Variants in SSU72 observed in about 807,000 individuals in gnomAD.
SSU72 encodes the protein RNA polymerase II subunit A C-terminal domain phosphatase SSU72.
In SSU72, 12 loss-of-function variants were observed where a neutral mutation model predicts 22.7. That is an observed-to-expected ratio of 0.53 (90% confidence interval 0.34 to 0.86). SSU72 has a LOEUF of 0.86. Ranked by LOEUF, SSU72 falls within the 40% of genes least tolerant of loss-of-function variation. The probability of loss-of-function intolerance (pLI) is 0.02; values close to 1 mark genes in which losing one functional copy is unlikely to be tolerated. For missense variants in SSU72, 151 were observed against 249.8 expected, an observed-to-expected ratio of 0.60 and a Z score of 2.67; for synonymous variants, 116 against 98.3, an observed-to-expected ratio of 1.18 and a Z score of -1.06.
rs1642787461 is a variant in SSU72 at position 1,574,614 on chromosome 1, C to T, written c.-57G>A. On this transcript the variant is annotated 5_prime_UTR_variant, in exon 1 of 5. Coordinates refer to ENST00000291386, the MANE Select transcript of SSU72 (RefSeq NM_014188.3). The stretch of plus-strand genomic sequence containing the variant: ...CTTGGGTTCCCACCCTACCGCGGCG[C>T]TTCCGCGCGAACAAAATGGCGGCCG... The T allele has an allele frequency of 2.0e-6, 3 of 1,505,362 alleles. No individual in the cohort carries two copies. Among genetic ancestry groups the T allele is most frequent in the Admixed American group, 4.3e-5 (2 of 46,062 alleles). 93.3% of individuals were successfully genotyped at this position (1,505,362 alleles called of 1,614,324 possible). A position where few individuals can be genotyped will look rare whatever the true frequency, so the allele number is the denominator to read the frequency against.
chr1:1,560,210 A>T (rs992932709), intron 2 of SSU72, among the ~76,000 whole-genome samples: 1 of 151,920 alleles, frequency 6.6e-6, no homozygotes. Flanking sequence ...TTTTAACAAG[A>T]GTCTTGTTCT....
chr1:1,560,611 T>C (rs1341062825), intron 2 of SSU72, among the ~76,000 whole-genome samples: 1 of 152,180 alleles, frequency 6.6e-6, no homozygotes, highest in Non-Finnish European at 1.5e-5. Context: ...CTCTAACTTA[T>C]TATGGCTCAA....
intron 2 of SSU72, among the ~76,000 whole-genome samples, chr1:1,560,509 GAGGCAC>G (rs1275017247): frequency 5.3e-5 from 8 of 152,220 alleles, no homozygotes; most frequent in African/African-American, 1.7e-4. Flanking sequence ...GGAGGTTTCA[GAGGCAC>G]AGGCAGCAAG....
intron 2 of SSU72, among the ~76,000 whole-genome samples, chr1:1,550,530 A>C (rs981252124): frequency 3.9e-5 from 6 of 152,192 alleles, no homozygotes; most frequent in Non-Finnish European, 7.4e-5. Context: ...CACTCAGAGA[A>C]TCAGTGCCTG....
chr1:1,570,438 G>A (rs1642714240), intron 1 of SSU72, among the ~76,000 whole-genome samples: 1 of 151,630 alleles, frequency 6.6e-6, no homozygotes, highest in African/African-American at 2.4e-5. Context: ...AGGATTTCCT[G>A]CCCGTTACCC....
intron 2 of SSU72, chr1:1,563,989 T>C (rs1436355347): frequency 6.5e-6 from 1 of 152,706 alleles, no homozygotes; most frequent in Admixed American, 6.5e-5. Flanking sequence ...AGATAAAAGG[T>C]TTAGCATTTG....
chr1:1,567,471 C>T (rs1005333720), intron 1 of SSU72, among the ~76,000 whole-genome samples: 2 of 152,146 alleles, frequency 1.3e-5, no homozygotes, highest in African/African-American at 4.8e-5. Context: ...AATTAAAATT[C>T]CTGACATTCA....
chr1:1,572,882 G>GT (rs1181122207), intron 1 of SSU72, among the ~76,000 whole-genome samples: 1 of 147,476 alleles, frequency 6.8e-6, no homozygotes, highest in Non-Finnish European at 1.5e-5. Flanking sequence ...TGTCTTGGGG[G>GT]GGGGGGGGTG....
Position 1,554,362 on chromosome 1 carries a change from G to A in SSU72, c.225-9360C>T, listed in dbSNP as rs924342011. On this transcript the variant is annotated intron_variant, in intron 2 of 4. Transcript: ENST00000291386. This position sits in a 1 kb window ranked among gnomAD's most constrained non-coding sequence, Gnocchi z 4.1. ...ATCCGGACCACTCGGGGGTCCCCAC[G>A]AAGCTGAGCATGAGGCGGATCCGGC... 3.3e-5 allele frequency among the ~76,000 whole-genome samples: 5 copies of A among 152,198 alleles called. No individual in the cohort carries two copies. Among genetic ancestry groups the A allele is most frequent in the East Asian group, 1.9e-4 (1 of 5,158 alleles).
intron 1 of SSU72, among the ~76,000 whole-genome samples, chr1:1,574,032 A>G (rs1642773067): frequency 1.4e-5 from 2 of 146,222 alleles, no homozygotes; most frequent in Non-Finnish European, 1.5e-5. Context: ...AAAAAAAAAA[A>G]AAGAAGAAGA....
intron 2 of SSU72, among the ~76,000 whole-genome samples, chr1:1,557,200 G>A (rs779077874): frequency 1.6e-4 from 24 of 152,228 alleles, no homozygotes; most frequent in Admixed American, 5.2e-4. Flanking sequence ...ATCACTTGAG[G>A]TCAGCAGTTC....
chr1:1,542,284 A>G lies in SSU72; in HGVS notation c.484-117T>C. 1.0e-6 allele frequency: 1 copy of G among 965,540 alleles called. No individual in the cohort carries two copies. Among genetic ancestry groups the G allele is most frequent in the Non-Finnish European group, 1.6e-6 (1 of 637,964 alleles). The allele number at this position is 965,540 out of a possible 1,614,324, so 59.8% of individuals were successfully genotyped here. A position where few individuals can be genotyped will look rare whatever the true frequency, so the allele number is the denominator to read the frequency against. ...GCCAGCAGAAACCAGCGCAGCAGGC[A>G]GGCCCTCACCCCACCGCTGCTGCCT... is the stretch of plus-strand genomic sequence containing the variant. On this transcript the variant is annotated intron_variant, in intron 4 of 4. Coordinates refer to ENST00000291386, the MANE Select transcript of SSU72 (RefSeq NM_014188.3). This position sits in a 1 kb window ranked among gnomAD's most constrained non-coding sequence, Gnocchi z 4.4.
chr1:1,569,620 C>G (rs535828239), intron 1 of SSU72, among the ~76,000 whole-genome samples: 3 of 152,116 alleles, frequency 2.0e-5, no homozygotes, highest in Non-Finnish European at 4.4e-5. Context: ...CTTGCTGCCC[C>G]GTCTCCCAAG....
chr1:1,567,837 C>T (rs1642679997), intron 1 of SSU72, among the ~76,000 whole-genome samples: 1 of 146,790 alleles, frequency 6.8e-6, no homozygotes. Context: ...TGCGTGAACC[C>T]CGGAAGCGGA....
chr1:1,556,468 G>C (rs1195897413), intron 2 of SSU72, among the ~76,000 whole-genome samples: 1 of 152,072 alleles, frequency 6.6e-6, no homozygotes, highest in Non-Finnish European at 1.5e-5. Context: ...TTGAACCCAG[G>C]AAGTGGAGCT....
chr1:1,546,868 A>C lies in SSU72; in HGVS notation c.225-1866T>G, dbSNP rs1186623376. The stretch of plus-strand genomic sequence containing the variant: ...GAAAACAACAACAACAACAAAAAAA[A>C]AAAAAAAAAAAAAAAAGGCCGGGCG... On this transcript the variant is annotated intron_variant, in intron 2 of 4. Transcript: ENST00000291386. 2.6e-3 allele frequency among the ~76,000 whole-genome samples: 330 copies of C among 126,374 alleles called. 4 individuals are homozygous for C. Among genetic ancestry groups the C allele is most frequent in the African/African-American group, 9.2e-3 (307 of 33,374 alleles). The allele number at this position is 126,374 out of a possible 152,430, so 82.9% of individuals were successfully genotyped here.
At chr1:1,568,225 A>G (rs1642685766) in intron 1 of SSU72, among the ~76,000 whole-genome samples, 1 of 152,212 alleles carries the variant, frequency 6.6e-6, no homozygotes, top group Non-Finnish European at 1.5e-5. Flanking sequence ...TGACACCAAC[A>G]GGCTTCGCCT....
intron 2 of SSU72, among the ~76,000 whole-genome samples, chr1:1,555,701 C>G (rs1490664893): frequency 6.6e-6 from 1 of 152,204 alleles, no homozygotes; most frequent in East Asian, 1.9e-4. Context: ...GTCAACGTAT[C>G]AAGAAATACA....
At chr1:1,543,457 C>T (rs1357659506) in intron 4 of SSU72, among the ~76,000 whole-genome samples, 1 of 152,208 alleles carries the variant, frequency 6.6e-6, no homozygotes, top group Non-Finnish European at 1.5e-5. Context: ...CGTCTCTCAG[C>T]TGAGCAAAGG....
Sources: gnomAD v4.1 joint callset for allele counts (sites outside exome capture counted in the v4.1 genomes callset) on GRCh38, gnomAD v4.1.1 for gene constraint, Gnocchi (gnomAD v3.1) non-coding constraint, MANE v1.5 for transcripts, NCBI Gene and HGNC (gene_info 2026-07-23, HGNC 2026-07-21) for gene names.